Variants in PTPN3 observed in about 807,000 individuals in gnomAD.
The protein encoded by PTPN3 is protein tyrosine phosphatase non-receptor type 3, also known as tyrosine-protein phosphatase non-receptor type 3.
In PTPN3, 96 loss-of-function variants were observed where a neutral mutation model predicts 132.7. The ratio of observed to expected loss-of-function variants is 0.72; its 90% CI spans 0.61 to 0.86. PTPN3 has a LOEUF of 0.86. PTPN3 is among the 40% of genes least tolerant of loss of function. The pLI, the probability that PTPN3 is intolerant of heterozygous loss-of-function variation, is 0.00. For synonymous variants in PTPN3, 398 were observed against 429.0 expected (o/e 0.93, Z 0.89); for missense variants, 1,125 against 1,159.6 (o/e 0.97, Z 0.43).
At position 109,378,858 on chromosome 9, in the gene PTPN3, C is replaced by T. The variant is rs541879091; in HGVS notation, c.*698G>A. 3 of 152,786 alleles carry T rather than the reference C, an allele frequency of 2.0e-5. No homozygotes were observed. Among genetic ancestry groups the T allele is most frequent in the Admixed American group, 2.0e-4 (3 of 15,294 alleles). The allele number at this position is 152,786 out of a possible 1,614,324, so 9.5% of individuals were successfully genotyped here. On this transcript the variant is annotated 3_prime_UTR_variant, in exon 26 of 26. Transcript: ENST00000374541. ...GATGACCAGAACACACTGAGAGTAC[C>T]AGTTCTCAGAGCCTCAGCTGAAAAT...
chr9:109,389,120 C>A lies in PTPN3; in HGVS notation c.2253+113G>T, dbSNP rs1319751563. 2.9e-6 allele frequency: 4 copies of A among 1,373,826 alleles called. No homozygotes were observed. The South Asian group carries it at 6.0e-5, about 21-fold the overall frequency. 85.1% of individuals were successfully genotyped at this position (1,373,826 alleles called of 1,614,324 possible). A position where few individuals can be genotyped will look rare whatever the true frequency, so the allele number is the denominator to read the frequency against. ...TTGCTCTGTAGAGGAGACTTAGGGT[C>A]ACATACGGGCTGGACCAGGAGACGC... On this transcript the variant is annotated intron_variant, in intron 22 of 25. Transcript: ENST00000374541.
At chr9:109,410,168 G>C (rs1841963779) in intron 15 of PTPN3, 61 bp downstream of exon 15, 1 of 1,611,228 alleles carries the variant, frequency 6.2e-7, no homozygotes, top group Non-Finnish European at 8.5e-7. Flanking sequence ...CTACTCAGCT[G>C]CCCACAAGAG....
the PTPN3 span, among the ~76,000 whole-genome samples, chr9:109,522,714 T>G: frequency 6.6e-6 from 1 of 152,104 alleles, no homozygotes; most frequent in Non-Finnish European, 1.5e-5. Context: ...TAGGAAACCA[T>G]CCTAAGGAGA....
chr9:109,484,329 T>G (rs1847109964), intron 1 of PTPN3, among the ~76,000 whole-genome samples: 1 of 152,088 alleles, frequency 6.6e-6, no homozygotes, highest in Non-Finnish European at 1.5e-5. Context: ...GGCATTCCAG[T>G]GTGGAGAGGT....
At chr9:109,444,880 A>C (rs562276328) in intron 7 of PTPN3, among the ~76,000 whole-genome samples, 1 of 152,362 alleles carries the variant, frequency 6.6e-6, no homozygotes, top group East Asian at 1.9e-4. Flanking sequence ...ATAAGGGATG[A>C]CTGATACAAA....
chr9:109,378,497 T>TAC lies in PTPN3; in HGVS notation c.*1057_*1058dup, dbSNP rs1838756547. ...CATACAGAGACTCATTCTTTATATA[T>TAC]ACTCAACGGTAATTTGAATCGTTAG... On this transcript the variant is annotated 3_prime_UTR_variant, in exon 26 of 26. Coordinates refer to ENST00000374541, the MANE Select transcript of PTPN3 (RefSeq NM_002829.4). 6.6e-6 allele frequency: 1 copy of TAC among 152,632 alleles called. No individual in the cohort carries two copies. Among genetic ancestry groups the TAC allele is most frequent in the Admixed American group, 6.5e-5 (1 of 15,274 alleles). The allele number at this position is 152,632 out of a possible 1,614,324, so 9.5% of individuals were successfully genotyped here.
the PTPN3 span, among the ~76,000 whole-genome samples, chr9:109,524,886 C>T: frequency 1.3e-5 from 2 of 151,930 alleles, no homozygotes; most frequent in African/African-American, 4.8e-5. Context: ...TACAGGCATG[C>T]ACTACCACAG....
chr9:109,465,352 G>A (rs191826516), intron 1 of PTPN3, among the ~76,000 whole-genome samples: 38 of 152,276 alleles, frequency 2.5e-4, no homozygotes, highest in Admixed American at 5.9e-4. Context: ...CGAAGCGGGC[G>A]GGTCACCTGA....
intron 19 of PTPN3, among the ~76,000 whole-genome samples, chr9:109,397,226 G>A (rs2131673372): frequency 6.6e-6 from 1 of 152,286 alleles, no homozygotes; most frequent in Admixed American, 6.5e-5. Flanking sequence ...AGCCACTACG[G>A]CATTATCTTT....
intron 1 of PTPN3, among the ~76,000 whole-genome samples, chr9:109,465,638 G>A (rs1846061667): frequency 6.6e-6 from 1 of 150,552 alleles, no homozygotes; most frequent in African/African-American, 2.5e-5. Flanking sequence ...GAACCCAGGA[G>A]GCGGAGGCTG....
intron 25 of PTPN3, among the ~76,000 whole-genome samples, chr9:109,380,587 CT>C (rs1217776403): frequency 6.6e-6 from 1 of 152,158 alleles, no homozygotes; most frequent in East Asian, 1.9e-4. Context: ...GGATGATGGA[CT>C]TTTTTCTTTT....
intron 5 of PTPN3, chr9:109,450,689 C>A: frequency 3.0e-6 from 3 of 984,950 alleles, no homozygotes; most frequent in Non-Finnish European, 3.6e-6. Flanking sequence ...TTATCAGAAA[C>A]AGCAGTTGTG....
intron 1 of PTPN3, among the ~76,000 whole-genome samples, chr9:109,484,707 C>G (rs1476787746): frequency 6.6e-6 from 1 of 152,164 alleles, no homozygotes; most frequent in African/African-American, 2.4e-5. Context: ...TGTTTGATAT[C>G]CATCCCATTC....
the PTPN3 span, chr9:109,534,048 A>T: frequency 1.3e-6 from 1 of 770,080 alleles, no homozygotes; most frequent in Non-Finnish European, 2.4e-6. Flanking sequence ...TCCTGGGGTT[A>T]TTCTTCGTTT....
chr9:109,536,725 C>T, the PTPN3 span, among the ~76,000 whole-genome samples: 1 of 152,044 alleles, frequency 6.6e-6, no homozygotes, highest in African/African-American at 2.4e-5. Flanking sequence ...AGAGACCCTG[C>T]CAACTCCTTT....
chr9:109,405,268 G>A (rs1044620527), intron 18 of PTPN3, among the ~76,000 whole-genome samples: 2 of 152,178 alleles, frequency 1.3e-5, no homozygotes, highest in Non-Finnish European at 2.9e-5. Context: ...GAGAGATCTG[G>A]TAAGGCCTCA....
intron 22 of PTPN3, among the ~76,000 whole-genome samples, chr9:109,385,205 C>A (rs1163461120): frequency 6.6e-6 from 1 of 152,204 alleles, no homozygotes; most frequent in Non-Finnish European, 1.5e-5. Context: ...GATTGCAGTT[C>A]AATTTGGATC....
chr9:109,387,705 T>C (rs1839711312), intron 22 of PTPN3, among the ~76,000 whole-genome samples: 1 of 152,036 alleles, frequency 6.6e-6, no homozygotes, highest in Non-Finnish European at 1.5e-5. Context: ...CTCAAACGCC[T>C]CCTCTGACCC....
chr9:109,470,341 A>G (rs1022372046), intron 1 of PTPN3, among the ~76,000 whole-genome samples: 6 of 152,180 alleles, frequency 3.9e-5, no homozygotes, highest in African/African-American at 1.4e-4. Context: ...ACAAGCAACA[A>G]TCACTCGCAT....
Sources: allele counts gnomAD v4.1 joint callset (sites outside exome capture counted in the v4.1 genomes callset), GRCh38; gene constraint gnomAD v4.1.1; transcripts MANE v1.5; gene names NCBI Gene and HGNC (gene_info 2026-07-23, HGNC 2026-07-21).